Variants in ABCC4 observed in about 807,000 individuals in gnomAD.
ABCC4 encodes the protein ATP-binding cassette sub-family C member 4.
In ABCC4, 102 loss-of-function variants were observed where a neutral mutation model predicts 168.5. The observed-to-expected ratio is 0.61, with a 90% CI of 0.52 to 0.71. The LOEUF (loss-of-function observed/expected upper bound fraction) is 0.71. Among genes scored for constraint, ABCC4 ranks in the 30% least tolerant of loss-of-function variants. The pLI is 0.00. For missense variants in ABCC4, 1,402 were observed against 1,605.8 expected (o/e 0.87, Z 2.17); for synonymous variants, 617 against 590.7 (o/e 1.04, Z -0.65).
At chr13:95,062,364 A>G (rs1227506751) in intron 26 of ABCC4, among the ~76,000 whole-genome samples, 2 of 152,042 alleles carry the variant, frequency 1.3e-5, no homozygotes, top group African/African-American at 2.4e-5. Flanking sequence ...TAAAATCCAC[A>G]TCTCCCCATA....
intron 1 of ABCC4, among the ~76,000 whole-genome samples, chr13:95,274,209 G>C (rs1412894211): frequency 6.6e-6 from 1 of 152,160 alleles, no homozygotes; most frequent in Non-Finnish European, 1.5e-5. Flanking sequence ...TTCTCATACA[G>C]CAGGGTGACC....
intron 4 of ABCC4, among the ~76,000 whole-genome samples, chr13:95,226,486 T>C (rs2039469710): frequency 1.3e-5 from 2 of 152,196 alleles, no homozygotes; most frequent in Non-Finnish European, 2.9e-5. Context: ...ATCTACATTT[T>C]CTCCAACTTA....
chr13:95,096,514 T>C (rs1198089565), intron 20 of ABCC4, among the ~76,000 whole-genome samples: 2 of 152,020 alleles, frequency 1.3e-5, no homozygotes, highest in Non-Finnish European at 2.9e-5. Context: ...TAAACACATA[T>C]AGTCAAACAG....
intron 8 of ABCC4, among the ~76,000 whole-genome samples, chr13:95,198,377 T>C (rs112719101): frequency 0.019 from 2,908 of 152,274 alleles, 62 homozygotes; most frequent in East Asian, 0.082. Flanking sequence ...TCACTGGTCA[T>C]TAAAGAAATG....
chr13:95,158,519 T>G (rs1263771554), intron 19 of ABCC4, among the ~76,000 whole-genome samples: 1 of 152,134 alleles, frequency 6.6e-6, no homozygotes, highest in Non-Finnish European at 1.5e-5. Context: ...CCCCGTTTCC[T>G]AAGTTTTCTA....
intron 19 of ABCC4, among the ~76,000 whole-genome samples, chr13:95,121,757 A>T (rs1435645579): frequency 6.6e-6 from 1 of 152,108 alleles, no homozygotes; most frequent in Admixed American, 6.5e-5. Context: ...AGAATCTTAA[A>T]GAATGAGACA....
chr13:95,199,008 T>C (rs2038542003), intron 8 of ABCC4, among the ~76,000 whole-genome samples: 1 of 152,030 alleles, frequency 6.6e-6, no homozygotes, highest in East Asian at 1.9e-4. Flanking sequence ...ACTGAATGCA[T>C]GTGGGGCTTA....
rs71431501 is a variant in ABCC4, at chr13:95,056,539, G to A, written c.3367-3355C>T. Among the ~76,000 whole-genome samples, 216 of 152,012 alleles carry A rather than the reference G, an allele frequency of 1.4e-3. 1 individual carries two copies. Among genetic ancestry groups the A allele is most frequent in the Non-Finnish European group, 2.4e-3 (162 of 68,030 alleles). ...TTCCATGGCCTTAATGAAGACTTCA[G>A]TGTGCAGAAACAAAGGACTGACTGC... is the stretch of plus-strand genomic sequence containing the variant. On this transcript the variant is annotated intron_variant, in intron 26 of 30. Coordinates refer to ENST00000645237, the MANE Select transcript of ABCC4 (RefSeq NM_005845.5).
Position 95,098,222 on chromosome 13 carries a change from A to C in ABCC4, c.2536-14932T>G, listed in dbSNP as rs528870020. Among the ~76,000 whole-genome samples, 6 of 152,186 alleles carry C rather than the reference A, an allele frequency of 3.9e-5. No individual in the cohort carries two copies. The East Asian group carries it at 1.2e-3, about 29-fold the overall frequency. The stretch of plus-strand genomic sequence containing the variant: ...ATATCAAAATCATTGGATGCAGCTA[A>C]GCAATACTTAGAGGAAGTATAACTT... On this transcript the variant is annotated intron_variant, in intron 20 of 30. Coordinates refer to ENST00000645237, the MANE Select transcript of ABCC4 (RefSeq NM_005845.5).
chr13:95,132,796 G>A (rs978860625), intron 19 of ABCC4, among the ~76,000 whole-genome samples: 6 of 152,030 alleles, frequency 3.9e-5, no homozygotes, highest in East Asian at 3.9e-4. Context: ...GACATTACAC[G>A]AAATAAAATA....
intron 14 of ABCC4, 60 bp downstream of exon 14, chr13:95,170,472 G>A (rs1239549853): frequency 5.2e-6 from 5 of 955,336 alleles, no homozygotes; most frequent in Admixed American, 2.5e-5. Flanking sequence ...GGAGGAAGAA[G>A]AAGGGGATTC....
chr13:95,062,308 G>A (rs1237841986), intron 26 of ABCC4, among the ~76,000 whole-genome samples: 2 of 152,164 alleles, frequency 1.3e-5, no homozygotes, highest in Non-Finnish European at 2.9e-5. Context: ...TCACCTTTGA[G>A]AAGGTAGCTT....
intron 23 of ABCC4, 50 bp from the exon 24 acceptor site, chr13:95,073,354 G>T: frequency 7.0e-7 from 1 of 1,426,610 alleles, no homozygotes. Context: ...TCAAACCTAA[G>T]CCTGGCTCCT....
intron 25 of ABCC4, 92 bp downstream of exon 25, chr13:95,071,569 CT>C (rs1489663366): frequency 8.8e-7 from 1 of 1,131,902 alleles, no homozygotes; most frequent in East Asian, 2.8e-5. Context: ...CTACGTATCA[CT>C]GATCCCCTTC....
intron 25 of ABCC4, among the ~76,000 whole-genome samples, chr13:95,069,742 T>C (rs895411300): frequency 2.6e-5 from 4 of 152,222 alleles, no homozygotes; most frequent in African/African-American, 9.6e-5. Context: ...CTCAGCATAA[T>C]GTCCTCAGGG....
intron 28 of ABCC4, 148 bp downstream of exon 28, chr13:95,044,118 C>CTT: frequency 2.2e-6 from 2 of 907,936 alleles, no homozygotes; most frequent in Non-Finnish European, 1.6e-6. Flanking sequence ...TGGGTTTCTT[C>CTT]TTTTTTTTTC....
intron 19 of ABCC4, among the ~76,000 whole-genome samples, chr13:95,130,055 A>G (rs1207347003): frequency 6.6e-6 from 1 of 151,860 alleles, no homozygotes; most frequent in Non-Finnish European, 1.5e-5. Flanking sequence ...AGCCTGGGCA[A>G]CAAGAGCAAA....
intron 29 of ABCC4, among the ~76,000 whole-genome samples, chr13:95,041,776 T>C (rs1354737803): frequency 6.6e-6 from 1 of 152,204 alleles, no homozygotes; most frequent in Non-Finnish European, 1.5e-5. Context: ...AGCTGGCTGA[T>C]GATCAGAAGC....
At chr13:95,065,911 A>G (rs2033521707) in intron 25 of ABCC4, among the ~76,000 whole-genome samples, 2 of 152,254 alleles carry the variant, frequency 1.3e-5, no homozygotes, top group African/African-American at 4.8e-5. Flanking sequence ...AATTGGCTTC[A>G]GGCCTTCAGC....
Sources: allele counts gnomAD v4.1 joint callset (sites outside exome capture counted in the v4.1 genomes callset), GRCh38; gene constraint gnomAD v4.1.1; transcripts MANE v1.5; gene names NCBI Gene and HGNC (gene_info 2026-07-23, HGNC 2026-07-21).